Variants in SYBU observed in about 807,000 individuals in gnomAD.
SYBU encodes GOLSYN A protein.
In SYBU, 21 loss-of-function variants were observed where a neutral mutation model predicts 35.9. The observed-to-expected ratio is 0.58, with a 90% CI of 0.41 to 0.84. The LOEUF is 0.84. SYBU is among the 40% of genes least tolerant of loss of function. SYBU has a pLI of 0.00. For missense variants in SYBU, 768 were observed against 848.2 expected (o/e 0.91, Z 1.17); for synonymous variants, 319 against 324.3 (o/e 0.98, Z 0.18).
chr8:109,603,891 G>A (rs777436053), intron 3 of SYBU, among the ~76,000 whole-genome samples: 2 of 152,128 alleles, frequency 1.3e-5, no homozygotes, highest in Non-Finnish European at 2.9e-5. Context: ...CAGCTTCCCT[G>A]GTGGTAAATC....
chr8:109,652,575 G>T (rs1481012502), intron 1 of SYBU, among the ~76,000 whole-genome samples: 1 of 152,142 alleles, frequency 6.6e-6, no homozygotes. Flanking sequence ...CTGGTGTTTT[G>T]TTAATTAGCA....
intron 6 of SYBU, 83 bp from the exon 7 acceptor site, chr8:109,576,096 A>T: frequency 7.0e-7 from 1 of 1,428,878 alleles, no homozygotes; most frequent in African/African-American, 1.4e-5. Context: ...CAGGCAGTTC[A>T]GGCAGTTCTG....
At chr8:109,599,609 T>C (rs528647134) in intron 3 of SYBU, among the ~76,000 whole-genome samples, 119 of 152,338 alleles carry the variant, frequency 7.8e-4, no homozygotes, top group African/African-American at 2.8e-3. Flanking sequence ...TTTCCCATCC[T>C]GAATTCTCCA....
At chr8:109,678,372 T>C (rs995425553) in intron 1 of SYBU, among the ~76,000 whole-genome samples, 2 of 151,068 alleles carry the variant, frequency 1.3e-5, no homozygotes, top group African/African-American at 2.4e-5. Context: ...GTCTTATAAG[T>C]AGATAATGTA....
chr8:109,676,302 G>C (rs991253399), intron 1 of SYBU, among the ~76,000 whole-genome samples: 3 of 152,146 alleles, frequency 2.0e-5, no homozygotes, highest in African/African-American at 7.2e-5. Flanking sequence ...TCAGGCAAGA[G>C]AAAGAAATAA....
At chr8:109,648,501 T>TG (rs1815947365), upstream of SYBU, among the ~76,000 whole-genome samples, 1 of 151,946 alleles carries the variant, frequency 6.6e-6, no homozygotes, top group Non-Finnish European at 1.5e-5. Flanking sequence ...AAAAATCCCG[T>TG]GAGGTACATG....
intron 1 of SYBU, among the ~76,000 whole-genome samples, chr8:109,679,299 A>G (rs1817316867): frequency 1.3e-5 from 2 of 152,218 alleles, no homozygotes; most frequent in Non-Finnish European, 2.9e-5. Flanking sequence ...TTAGCATGTA[A>G]TCAAGAAATA....
intron 1 of SYBU, chr8:109,643,321 CT>C: frequency 3.2e-6 from 1 of 311,974 alleles, no homozygotes; most frequent in Non-Finnish European, 4.7e-6. Flanking sequence ...ACTTGATAGC[CT>C]TCAGACTTCC....
chr8:109,586,347 C>T (rs1236053259), intron 3 of SYBU, 185 bp from the exon 4 acceptor site: 4 of 576,774 alleles, frequency 6.9e-6, no homozygotes, highest in Non-Finnish European at 1.2e-5. Flanking sequence ...AGTACAAGAA[C>T]ATCATTTCAT....
intron 1 of SYBU, among the ~76,000 whole-genome samples, chr8:109,671,938 G>A (rs1225500268): frequency 1.3e-5 from 2 of 152,076 alleles, no homozygotes; most frequent in East Asian, 3.9e-4. Flanking sequence ...TTTCGCTCTT[G>A]TTGCCCAGGC....
chr8:109,689,654 A>G (rs1053199486), intron 1 of SYBU, among the ~76,000 whole-genome samples: 2 of 152,116 alleles, frequency 1.3e-5, no homozygotes, highest in African/African-American at 2.4e-5. Context: ...TTATATGTAG[A>G]TTCGTGTAAC....
chr8:109,664,865 TG>T (rs1302293714), intron 1 of SYBU, among the ~76,000 whole-genome samples: 2 of 152,190 alleles, frequency 1.3e-5, no homozygotes, highest in Non-Finnish European at 2.9e-5. Flanking sequence ...ACCCTCCTTC[TG>T]GGGAAGCAGA....
intron 3 of SYBU, among the ~76,000 whole-genome samples, chr8:109,617,993 G>A (rs1295719102): frequency 6.6e-6 from 1 of 152,168 alleles, no homozygotes; most frequent in African/African-American, 2.4e-5. Flanking sequence ...GTAGCTCCTT[G>A]CACAATAATG....
intron 1 of SYBU, among the ~76,000 whole-genome samples, chr8:109,660,009 T>C (rs1816503333): frequency 6.6e-6 from 1 of 152,154 alleles, no homozygotes; most frequent in Admixed American, 6.6e-5. Flanking sequence ...ATTAGCCAAA[T>C]AGCACTAATG....
At chr8:109,591,247 T>C (rs1315888960) in intron 3 of SYBU, among the ~76,000 whole-genome samples, 2 of 152,162 alleles carry the variant, frequency 1.3e-5, no homozygotes, top group African/African-American at 2.4e-5. Context: ...AAGTCTGCTT[T>C]TTTTGTGAAT....
chr8:109,685,338 T>C (rs566500181), upstream of SYBU, among the ~76,000 whole-genome samples: 15 of 152,352 alleles, frequency 9.8e-5, no homozygotes, highest in African/African-American at 3.4e-4. Context: ...AGACAATGCA[T>C]ACCTCTTCTT....
At chr8:109,675,011 A>G (rs1803900556) in intron 1 of SYBU, among the ~76,000 whole-genome samples, 1 of 152,248 alleles carries the variant, frequency 6.6e-6, no homozygotes, top group Non-Finnish European at 1.5e-5. Flanking sequence ...AACTACATGG[A>G]AACTGAACAA....
chr8:109,600,423 C>G (rs1287461076), intron 3 of SYBU, among the ~76,000 whole-genome samples: 1 of 152,146 alleles, frequency 6.6e-6, no homozygotes, highest in East Asian at 1.9e-4. Context: ...GCAAAAACCA[C>G]GCTAACTGCA....
intron 1 of SYBU, among the ~76,000 whole-genome samples, chr8:109,687,552 G>A (rs1415618882): frequency 6.6e-6 from 1 of 152,136 alleles, no homozygotes; most frequent in Non-Finnish European, 1.5e-5. Context: ...GTAAAACACT[G>A]ATTGATGAGG....
Sources: gnomAD v4.1 joint callset for allele counts (sites outside exome capture counted in the v4.1 genomes callset) on GRCh38, gnomAD v4.1.1 for gene constraint, MANE v1.5 for transcripts, NCBI Gene and HGNC (gene_info 2026-07-23, HGNC 2026-07-21) for gene names.